The following ASTN2 variants were observed in gnomAD, a reference collection of about 807,000 sequenced individuals.
ASTN2 encodes the protein astrotactin-2.
ASTN2 carries 54 observed loss-of-function variants against 139.8 expected under a neutral mutation model. That is an observed-to-expected ratio of 0.39 (90% CI 0.31 to 0.48). The LOEUF is 0.48. Among genes scored for constraint, ASTN2 ranks in the 20% least tolerant of loss-of-function variants. ASTN2 has a pLI of 0.95. For synonymous variants in ASTN2, 756 were observed against 719.5 expected, an observed-to-expected ratio of 1.05 and a Z score of -0.81; for missense variants, 1,565 against 1,725.1, an observed-to-expected ratio of 0.91 and a Z score of 1.64.
At chr9:116,811,508 T>C (rs1371724455) in intron 12 of ASTN2, among the ~76,000 whole-genome samples, 1 of 152,222 alleles carries the variant, frequency 6.6e-6, no homozygotes, top group East Asian at 1.9e-4. Context: ...AATTTCTATG[T>C]TGGTAAATTT....
chr9:117,117,700 C>T (rs1829433307), intron 4 of ASTN2, among the ~76,000 whole-genome samples: 1 of 152,190 alleles, frequency 6.6e-6, no homozygotes, highest in South Asian at 2.1e-4. Context: ...AGTTATTAGC[C>T]TGTTAATCTC....
intron 11 of ASTN2, among the ~76,000 whole-genome samples, chr9:116,836,153 G>T (rs1831982974): frequency 1.3e-5 from 2 of 152,150 alleles, no homozygotes; most frequent in Admixed American, 6.5e-5. Context: ...CTTCCTGGAT[G>T]GGAGTGGTAG....
intron 4 of ASTN2, among the ~76,000 whole-genome samples, chr9:117,140,711 G>A (rs559151431): frequency 6.6e-6 from 1 of 152,162 alleles, no homozygotes; most frequent in African/African-American, 2.4e-5. Context: ...AGCAGCAGAG[G>A]AAAAGGAGCA....
chr9:117,375,862 T>C (rs1267541277), intron 1 of ASTN2, among the ~76,000 whole-genome samples: 1 of 152,140 alleles, frequency 6.6e-6, no homozygotes, highest in Non-Finnish European at 1.5e-5. Flanking sequence ...GGATAGCCCC[T>C]TTCCTTGTCT....
intron 22 of ASTN2, among the ~76,000 whole-genome samples, chr9:116,430,523 A>T (rs538368520): frequency 6.6e-6 from 1 of 152,372 alleles, no homozygotes; most frequent in South Asian, 2.1e-4. Context: ...AGCTCTAAGT[A>T]AGTGTCAGCA....
rs1380194627 is a variant in ASTN2, at chr9:117,066,378, A to G, written c.1277-26413T>C. 2.0e-5 allele frequency among the ~76,000 whole-genome samples: 3 copies of G among 148,716 alleles called. No homozygotes were observed. The East Asian group carries it at 6.0e-4, about 30-fold the overall frequency. Reference sequence around the variant, plus strand: ...ATTTCTTATGGCTGCATAGTATTCCATGGTGTATATGTGCCACATTTTCTT... The same window carrying G: ...ATTTCTTATGGCTGCATAGTATTCCGTGGTGTATATGTGCCACATTTTCTT... On this transcript the variant is annotated intron_variant, in intron 5 of 22. Coordinates refer to ENST00000313400, the MANE Select transcript of ASTN2 (RefSeq NM_001365068.1).
chr9:117,195,005 C>A (rs1831457392), intron 3 of ASTN2, among the ~76,000 whole-genome samples: 1 of 152,160 alleles, frequency 6.6e-6, no homozygotes, highest in Non-Finnish European at 1.5e-5. Flanking sequence ...TATCCACTGA[C>A]CCAGCATATT....
intron 2 of ASTN2, among the ~76,000 whole-genome samples, chr9:117,240,973 T>C (rs1001537909): frequency 5.3e-5 from 8 of 152,190 alleles, no homozygotes; most frequent in South Asian, 2.1e-4. Flanking sequence ...ACAATCCTCC[T>C]TTCCATCTGA....
Position 116,698,455 on chromosome 9 carries a change from G to T in ASTN2, c.2806+27316C>A, listed in dbSNP as rs564290779. 9 of 1,613,994 alleles carry T rather than the reference G, an allele frequency of 5.6e-6. No homozygotes were observed. The South Asian group carries it at 7.7e-5, about 14-fold the overall frequency. ...ATTGCAGAGGTGCAGGCTGTGTCTC[G>T]CTGTGACTACTTCCTGGCCAAGATC... On this transcript the variant is annotated intron_variant, in intron 16 of 22. Transcript: ENST00000313400. The surrounding 1 kb of genome is among the most constrained non-coding windows in gnomAD (Gnocchi z 4.4).
intron 7 of ASTN2, among the ~76,000 whole-genome samples, chr9:116,998,509 T>A (rs1191075537): frequency 6.7e-6 from 1 of 148,902 alleles, no homozygotes; most frequent in Non-Finnish European, 1.5e-5. Flanking sequence ...ACCTTACTCA[T>A]TGAACAAGCC....
At chr9:117,362,216 T>G (rs1434691860) in intron 1 of ASTN2, among the ~76,000 whole-genome samples, 1 of 152,176 alleles carries the variant, frequency 6.6e-6, no homozygotes, top group Non-Finnish European at 1.5e-5. Context: ...TCAGGTGATA[T>G]AACTACCTTG....
intron 19 of ASTN2, among the ~76,000 whole-genome samples, chr9:116,590,053 C>A (rs1854316345): frequency 6.6e-6 from 1 of 152,210 alleles, no homozygotes; most frequent in Non-Finnish European, 1.5e-5. Flanking sequence ...GAAGCGGCCA[C>A]TGCAAAGACA....
intron 10 of ASTN2, among the ~76,000 whole-genome samples, chr9:116,959,015 G>A (rs1835803224): frequency 6.6e-6 from 1 of 152,148 alleles, no homozygotes; most frequent in South Asian, 2.1e-4. Flanking sequence ...GAGGTGAGAA[G>A]GTGATAAGTG....
chr9:117,317,339 C>A (rs778552479), intron 1 of ASTN2, among the ~76,000 whole-genome samples: 2 of 152,146 alleles, frequency 1.3e-5, no homozygotes, highest in East Asian at 1.9e-4. Flanking sequence ...ATCTGTAGAC[C>A]CCTCAAATGA....
chr9:116,483,201 GGACCC>G (rs879858198), intron 20 of ASTN2, among the ~76,000 whole-genome samples: 1 of 152,200 alleles, frequency 6.6e-6, no homozygotes, highest in Non-Finnish European at 1.5e-5. Flanking sequence ...GACCTTCCTG[GGACCC>G]ACTCCCTCTG....
chr9:117,400,800 T>C (rs1297331257), intron 1 of ASTN2, among the ~76,000 whole-genome samples: 3 of 152,188 alleles, frequency 2.0e-5, no homozygotes, highest in South Asian at 4.2e-4. Flanking sequence ...ACATTAGAGA[T>C]GAGGGAAAGC....
chr9:116,859,753 G>A (rs950943542), intron 11 of ASTN2, among the ~76,000 whole-genome samples: 26 of 152,220 alleles, frequency 1.7e-4, no homozygotes, highest in African/African-American at 6.3e-4. Flanking sequence ...GGCTATGAAG[G>A]CAAAGGGGTT....
chr9:116,849,618 C>T (rs1308544398), intron 11 of ASTN2, among the ~76,000 whole-genome samples: 1 of 152,136 alleles, frequency 6.6e-6, no homozygotes, highest in African/African-American at 2.4e-5. Flanking sequence ...AGGATTTGAA[C>T]CTGTACAGCT....
chr9:117,350,496 G>C (rs1441057633), intron 1 of ASTN2, among the ~76,000 whole-genome samples: 4 of 151,796 alleles, frequency 2.6e-5, no homozygotes, highest in African/African-American at 9.7e-5. Context: ...GGTGGTTGCA[G>C]TGAGCTGAGA....
Sources: gnomAD v4.1 joint callset for allele counts (sites outside exome capture counted in the v4.1 genomes callset) on GRCh38, gnomAD v4.1.1 for gene constraint, Gnocchi (gnomAD v3.1) non-coding constraint, MANE v1.5 for transcripts, NCBI Gene and HGNC (gene_info 2026-07-23, HGNC 2026-07-21) for gene names.